Variants in MLPH observed in about 807,000 individuals in gnomAD.
The protein encoded by MLPH is exophilin-3.
MLPH carries 51 observed loss-of-function variants against 72.1 expected under a neutral mutation model. The ratio of observed to expected loss-of-function variants is 0.71; its 90% confidence interval spans 0.56 to 0.89. The LOEUF (loss-of-function observed/expected upper bound fraction) is 0.89. Among genes scored for constraint, MLPH ranks in the 40% least tolerant of loss-of-function variants. MLPH has a pLI of 0.00. For synonymous variants in MLPH, 301 were observed against 310.1 expected, an observed-to-expected ratio of 0.97 and a Z score of 0.31; for missense variants, 743 against 759.9, an observed-to-expected ratio of 0.98 and a Z score of 0.26.
intron 8 of MLPH, among the ~76,000 whole-genome samples, chr2:237,527,963 C>T (rs1027292607): frequency 3.9e-5 from 6 of 152,172 alleles, no homozygotes; most frequent in Admixed American, 6.5e-5. Flanking sequence ...AGGAAAGAAA[C>T]GCTGACACAT....
intron 9 of MLPH, among the ~76,000 whole-genome samples, chr2:237,540,059 A>G (rs1171995313): frequency 6.6e-6 from 1 of 152,068 alleles, no homozygotes; most frequent in East Asian, 1.9e-4. Context: ...AACAAATGGC[A>G]CCCTTAAACA....
chr2:237,510,760 G>T lies in MLPH; in HGVS notation c.297G>T (p.Glu99Asp), dbSNP rs756989275. ...CKSCGRVHPE[E>D]QGWICDPCHL... is the part of the protein sequence containing the mutation. ...GCTGTGGCCGCGTCCACCCGGAGGA[G>T]CAGGGCTGGATCTGTGACCCCTGCC... Residue 99 changes from glutamate to aspartate, a missense_variant, in exon 3 of 16, where the codon GAG becomes GAT. Transcript: ENST00000264605. The surrounding 1 kb of genome is among the most constrained non-coding windows in gnomAD (Gnocchi z 4.4). 1 of 1,613,652 alleles carries T rather than the reference G, an allele frequency of 6.2e-7. No individual in the cohort carries two copies.
At chr2:237,501,633 C>T (rs1256616709) in intron 2 of MLPH, among the ~76,000 whole-genome samples, 1 of 146,054 alleles carries the variant, frequency 6.8e-6, no homozygotes, top group African/African-American at 2.6e-5. Context: ...TCGAGGCCAG[C>T]CTGGCTAACA....
rs537320829 is a variant in MLPH, at chr2:237,546,803, C to G, written c.1617+120C>G. On this transcript the variant is annotated intron_variant, in intron 13 of 15. Coordinates refer to ENST00000264605, the MANE Select transcript of MLPH (RefSeq NM_024101.7). ...TGCAATGTCCTCACAGCTACCCACA[C>G]AGCAATGCCCACACAGCTGCCACAA... The G allele has an allele frequency of 4.8e-4, 394 of 823,156 alleles. 1 individual carries two copies. The highest frequency in any genetic ancestry group is 7.5e-4 in the Admixed American group (40 of 53,638). The allele number at this position is 823,156 out of a possible 1,614,324, so 51.0% of individuals were successfully genotyped here.
At chr2:237,509,127 G>A (rs907797077) in intron 2 of MLPH, among the ~76,000 whole-genome samples, 1 of 152,164 alleles carries the variant, frequency 6.6e-6, no homozygotes, top group Non-Finnish European at 1.5e-5. Flanking sequence ...TCCCCAAATG[G>A]AGTCTTCTCT....
intron 4 of MLPH, 67 bp downstream of exon 4, chr2:237,511,168 T>C (rs2079892432): frequency 7.8e-7 from 1 of 1,285,002 alleles, no homozygotes; most frequent in Admixed American, 1.7e-5. Context: ...AGCAGGTTCC[T>C]TTGGAGTGTG....
At chr2:237,517,127 G>A (rs993835374) in intron 4 of MLPH, among the ~76,000 whole-genome samples, 61 of 151,902 alleles carry the variant, frequency 4.0e-4, no homozygotes, top group African/African-American at 1.5e-3. Context: ...ATAAATAGAT[G>A]TCTGAGTGGA....
At chr2:237,517,820 G>C (rs1039987722) in intron 4 of MLPH, among the ~76,000 whole-genome samples, 16 of 151,220 alleles carry the variant, frequency 1.1e-4, no homozygotes, top group African/African-American at 3.9e-4. Flanking sequence ...TGGATGGATG[G>C]GTAGATGAAT....
chr2:237,503,208 G>T (rs7577227), intron 2 of MLPH, among the ~76,000 whole-genome samples: 41,375 of 151,996 alleles, frequency 0.27, 10,382 homozygotes, highest in African/African-American at 0.66. Context: ...TTGGAATCAC[G>T]GACACAGGCA....
intron 13 of MLPH, among the ~76,000 whole-genome samples, chr2:237,547,233 A>G (rs997074829): frequency 6.6e-6 from 1 of 152,262 alleles, no homozygotes; most frequent in African/African-American, 2.4e-5. Flanking sequence ...AACACTCAGG[A>G]GCCAGTGTGC....
chr2:237,536,292 A>G (rs2080530195), intron 9 of MLPH, among the ~76,000 whole-genome samples: 1 of 152,188 alleles, frequency 6.6e-6, no homozygotes. Context: ...TCCAGCAGGG[A>G]CCACAGCTGC....
Position 237,552,451 on chromosome 2 carries a change from T to C in MLPH, c.1776+14T>C. The C allele has an allele frequency of 6.2e-7, 1 of 1,610,784 alleles. No homozygotes were observed. The highest frequency in any genetic ancestry group is 1.1e-5 in the South Asian group (1 of 90,986). On this transcript the variant is annotated intron_variant, in intron 15 of 15. Coordinates refer to ENST00000264605, the MANE Select transcript of MLPH (RefSeq NM_024101.7). ...CACACCTTCGCGGTAAAGTTTTCTCTCATTCTCTGAGGAGTTTTTAAAGTT... is the reference window on the plus strand; with the variant it reads ...CACACCTTCGCGGTAAAGTTTTCTCCCATTCTCTGAGGAGTTTTTAAAGTT...
chr2:237,511,283 T>C (rs1559345720), intron 4 of MLPH, 182 bp downstream of exon 4: 2 of 541,504 alleles, frequency 3.7e-6, no homozygotes, highest in Non-Finnish European at 6.6e-6. Context: ...TTTTTTTTTT[T>C]TAATTTTTGT....
chr2:237,493,574 C>T (rs1231553842), intron 2 of MLPH, 38 bp downstream of exon 2: 1 of 1,514,710 alleles, frequency 6.6e-7, no homozygotes, highest in Admixed American at 1.7e-5. Context: ...GCCCGGGGTC[C>T]CTGATCTTCC....
intron 13 of MLPH, among the ~76,000 whole-genome samples, chr2:237,547,172 C>G (rs1430581254): frequency 6.6e-6 from 1 of 152,252 alleles, no homozygotes; most frequent in Non-Finnish European, 1.5e-5. Flanking sequence ...GGCCCGTGGC[C>G]TGGGGACTTC....
At chr2:237,552,570 C>A in intron 15 of MLPH, 133 bp downstream of exon 15, 8 of 752,370 alleles carry the variant, frequency 1.1e-5, no homozygotes, top group Admixed American at 7.9e-5. Flanking sequence ...AGAATCAAAG[C>A]AAAAAGTAAA....
chr2:237,511,013 G>C lies in MLPH; in HGVS notation c.357G>C (p.Glu119Asp), dbSNP rs773359777. Reference sequence around the variant, plus strand: ...GAGTCGTGAAGATCGGCTCACTGGAGTGGTACTATGAGCATGTGAAAGCCC... The same window carrying C: ...GAGTCGTGAAGATCGGCTCACTGGACTGGTACTATGAGCATGTGAAAGCCC... Reference protein sequence around the residue: ...LARVVKIGSLEWYYEHVKARF... With the variant: ...LARVVKIGSLDWYYEHVKARF... The change falls in exon 4 of 16, where the codon GAG (glutamate) becomes GAC (aspartate). Residue 119 changes from glutamate to aspartate, a missense_variant. By Grantham distance (45) the Glu-to-Asp change is conservative. Transcript: ENST00000264605. 19 of 1,613,846 alleles carry C rather than the reference G, an allele frequency of 1.2e-5. No homozygotes were observed. The highest frequency in any genetic ancestry group is 1.5e-5 in the Non-Finnish European group (18 of 1,179,988).
At chr2:237,527,085 T>C (rs549095177) in intron 7 of MLPH, among the ~76,000 whole-genome samples, 3 of 152,330 alleles carry the variant, frequency 2.0e-5, no homozygotes, top group Admixed American at 2.0e-4. Flanking sequence ...TGGTGTTATT[T>C]GCAATTTGAA....
chr2:237,500,263 C>G (rs2079618750), intron 2 of MLPH, among the ~76,000 whole-genome samples: 1 of 152,116 alleles, frequency 6.6e-6, no homozygotes, highest in African/African-American at 2.4e-5. Flanking sequence ...GTGTCACTCA[C>G]TTCTCCAGTG....
Sources: allele counts gnomAD v4.1 joint callset (sites outside exome capture counted in the v4.1 genomes callset), GRCh38; gene constraint gnomAD v4.1.1; non-coding constraint Gnocchi (gnomAD v3.1); transcripts MANE v1.5; gene names NCBI Gene and HGNC (gene_info 2026-07-23, HGNC 2026-07-21).